The following AGTR1 variants were observed in gnomAD, a reference collection of about 807,000 sequenced individuals.
AGTR1 encodes type-1 angiotensin II receptor.
In AGTR1, 16 loss-of-function variants were observed where a neutral mutation model predicts 19.4. The observed-to-expected ratio is 0.82, with a 90% CI of 0.56 to 1.25. The LOEUF is 1.25. AGTR1 is among the 50% of genes most tolerant of loss of function. The pLI is 0.00. For synonymous variants in AGTR1, 153 were observed against 154.9 expected (o/e 0.99, Z 0.09); for missense variants, 373 against 431.9 (o/e 0.86, Z 1.21).
chr3:148,698,453 G>A (rs1008529946), intron 1 of AGTR1: 1 of 152,186 alleles, frequency 6.6e-6, no homozygotes, highest in Non-Finnish European at 1.5e-5. Context: ...TCTTCCTGAG[G>A]CTTTTAGTTA....
chr3:148,717,105 G>A (rs189672448), intron 2 of AGTR1, among the ~76,000 whole-genome samples: 140 of 149,248 alleles, frequency 9.4e-4, no homozygotes, highest in Non-Finnish European at 1.5e-3. Flanking sequence ...TTTCACACAC[G>A]TGGTTTTTCT....
At chr3:148,702,345 C>T (rs534008032) in intron 1 of AGTR1, among the ~76,000 whole-genome samples, 4 of 152,030 alleles carry the variant, frequency 2.6e-5, no homozygotes, top group Non-Finnish European at 5.9e-5. Context: ...TTTTCTGATT[C>T]TATATTAGTC....
In AGTR1 at chr3:148,741,814, C is replaced by T. The variant is rs773017244; in HGVS notation, c.779C>T (p.Thr260Ile). The T allele has an allele frequency of 1.3e-5, 21 of 1,613,514 alleles. No homozygotes were observed. The highest frequency in any genetic ancestry group is 1.5e-5 in the Non-Finnish European group (18 of 1,179,986). The change falls in exon 3 of 3, where the codon ACT becomes ATT. Residue 260 changes from threonine (T) to isoleucine (I), a missense_variant. Coordinates refer to ENST00000349243, the MANE Select transcript of AGTR1 (RefSeq NM_000685.5). ...TCCTGGATTCCCCACCAAATATTCACTTTTCTGGATGTATTGATTCAACTA... is the reference window on the plus strand; with the variant it reads ...TCCTGGATTCCCCACCAAATATTCATTTTTCTGGATGTATTGATTCAACTA... ...FFSWIPHQIF[T>I]FLDVLIQLGI...
intron 2 of AGTR1, among the ~76,000 whole-genome samples, chr3:148,736,527 A>G (rs1714579585): frequency 6.6e-6 from 1 of 152,236 alleles, no homozygotes; most frequent in African/African-American, 2.4e-5. Flanking sequence ...AGTAAAACAT[A>G]TTCATTAAGC....
At chr3:148,733,040 C>T (rs1277504266) in intron 2 of AGTR1, among the ~76,000 whole-genome samples, 3 of 151,900 alleles carry the variant, frequency 2.0e-5, no homozygotes, top group East Asian at 1.9e-4. Flanking sequence ...GCGCCCGGCC[C>T]GGAAAATTTT....
At chr3:148,700,846 T>TTC (rs1222041185) in intron 1 of AGTR1, among the ~76,000 whole-genome samples, 3 of 152,218 alleles carry the variant, frequency 2.0e-5, no homozygotes, top group African/African-American at 7.2e-5. Flanking sequence ...TCCTTCAAAA[T>TTC]TCTCCTAATG....
chr3:148,706,390 G>A (rs1292237035), intron 1 of AGTR1, among the ~76,000 whole-genome samples: 2 of 151,850 alleles, frequency 1.3e-5, no homozygotes, highest in Non-Finnish European at 2.9e-5. Flanking sequence ...GCTAAACTTG[G>A]TATGCTAAAG....
At chr3:148,723,096 A>G (rs1177428549) in intron 2 of AGTR1, among the ~76,000 whole-genome samples, 1 of 152,084 alleles carries the variant, frequency 6.6e-6, no homozygotes, top group East Asian at 1.9e-4. Flanking sequence ...AATCAGAAAT[A>G]CTCCATATTC....
intron 2 of AGTR1, among the ~76,000 whole-genome samples, chr3:148,711,111 A>G (rs1712956449): frequency 1.3e-5 from 2 of 152,180 alleles, no homozygotes; most frequent in South Asian, 4.1e-4. Flanking sequence ...GAATAGACCA[A>G]CACAGTCACG....
intron 2 of AGTR1, among the ~76,000 whole-genome samples, chr3:148,713,323 A>G (rs1446156491): frequency 1.2e-5 from 1 of 80,484 alleles, no homozygotes; most frequent in Non-Finnish European, 2.2e-5. Flanking sequence ...GGGGGGGAAT[A>G]TATATATATA....
Position 148,742,789 on chromosome 3 carries a change from A to G in AGTR1, c.*674A>G, listed in dbSNP as rs1714994231. 2 of 168,832 alleles carry G rather than the reference A, an allele frequency of 1.2e-5. No individual in the cohort carries two copies. Among genetic ancestry groups the G allele is most frequent in the Admixed American group, 6.4e-5 (1 of 15,566 alleles). 10.5% of individuals were successfully genotyped at this position (168,832 alleles called of 1,614,324 possible). A position where few individuals can be genotyped will look rare whatever the true frequency, so the allele number is the denominator to read the frequency against. Reference sequence around the variant, plus strand: ...AGGTGCTGCACTGGTCCCAAGTAGTAGTGTCTTCCTAGTATATTAGTTTGA... The same window carrying G: ...AGGTGCTGCACTGGTCCCAAGTAGTGGTGTCTTCCTAGTATATTAGTTTGA... On this transcript the variant is annotated 3_prime_UTR_variant, in exon 3 of 3. Coordinates refer to ENST00000349243, the MANE Select transcript of AGTR1 (RefSeq NM_000685.5).
chr3:148,718,263 A>G (rs1713409463), intron 2 of AGTR1, among the ~76,000 whole-genome samples: 1 of 152,234 alleles, frequency 6.6e-6, no homozygotes, highest in African/African-American at 2.4e-5. Context: ...ACCTCTATGC[A>G]ATACTCAGTA....
intron 2 of AGTR1, among the ~76,000 whole-genome samples, chr3:148,734,454 G>GA (rs767250882): frequency 2.7e-4 from 41 of 152,174 alleles, no homozygotes; most frequent in Non-Finnish European, 4.7e-4. Flanking sequence ...TGTGAGGTCA[G>GA]ATGACAGTGG....
chr3:148,725,781 C>T (rs1713897025), intron 2 of AGTR1, among the ~76,000 whole-genome samples: 1 of 152,306 alleles, frequency 6.6e-6, no homozygotes, highest in Admixed American at 6.5e-5. Context: ...CCACACCCGG[C>T]CGGAGACAGG....
At chr3:148,735,001 G>T (rs1041707423) in intron 2 of AGTR1, among the ~76,000 whole-genome samples, 1 of 152,162 alleles carries the variant, frequency 6.6e-6, no homozygotes, top group Non-Finnish European at 1.5e-5. Flanking sequence ...CAGAATGCCA[G>T]ATCACAGCTC....
intron 1 of AGTR1, among the ~76,000 whole-genome samples, chr3:148,707,046 A>C (rs1005204666): frequency 6.6e-6 from 1 of 152,066 alleles, no homozygotes. Context: ...ACTGAAAAAA[A>C]AGATTAAGGC....
At position 148,741,415 on chromosome 3, in the gene AGTR1, A is replaced by G. The variant is rs770227887; in HGVS notation, c.380A>G (p.Tyr127Cys). The G allele has an allele frequency of 6.2e-7, 1 of 1,605,198 alleles. No homozygotes were observed. Among genetic ancestry groups the G allele is most frequent in the Admixed American group, 1.7e-5 (1 of 59,992 alleles). Reference protein sequence around the residue: ...FLLTCLSIDRYLAIVHPMKSR... With the variant: ...FLLTCLSIDRCLAIVHPMKSR... The stretch of plus-strand genomic sequence containing the variant: ...CTCACGTGTCTCAGCATTGATCGAT[A>G]CCTGGCTATTGTTCACCCAATGAAG... The change falls in exon 3 of 3, where the codon TAC becomes TGC. Residue 127 changes from tyrosine (Y) to cysteine (C), a missense_variant. Physicochemically the swap from Tyr to Cys is radical, Grantham distance 194. Coordinates refer to ENST00000349243, the MANE Select transcript of AGTR1 (RefSeq NM_000685.5).
At chr3:148,718,952 C>T (rs1217276351) in intron 2 of AGTR1, among the ~76,000 whole-genome samples, 3 of 152,180 alleles carry the variant, frequency 2.0e-5, no homozygotes, top group Admixed American at 1.3e-4. Context: ...AAGGTGTGCT[C>T]AGCTGTCTAC....
intron 2 of AGTR1, among the ~76,000 whole-genome samples, chr3:148,725,251 G>A (rs1363128169): frequency 6.6e-6 from 1 of 152,104 alleles, no homozygotes; most frequent in Non-Finnish European, 1.5e-5. Flanking sequence ...TCTATAGTGT[G>A]ATATATTTTC....
Sources: allele counts gnomAD v4.1 joint callset (sites outside exome capture counted in the v4.1 genomes callset), GRCh38; gene constraint gnomAD v4.1.1; transcripts MANE v1.5; gene names NCBI Gene and HGNC (gene_info 2026-07-23, HGNC 2026-07-21).